Variants in AGBL4 observed in about 807,000 individuals in gnomAD.
AGBL4 encodes the protein cytosolic carboxypeptidase 6.
AGBL4 carries 58 observed loss-of-function variants against 66.4 expected under a neutral mutation model. That is an observed-to-expected ratio of 0.87 (90% CI 0.71 to 1.09). The LOEUF is 1.09. Among genes scored for constraint, AGBL4 ranks in the 50% least tolerant of loss-of-function variants. AGBL4 has a pLI of 0.00. For missense variants in AGBL4, 579 were observed against 631.0 expected, an observed-to-expected ratio of 0.92 and a Z score of 0.88; for synonymous variants, 234 against 222.9, an observed-to-expected ratio of 1.05 and a Z score of -0.44.
At chr1:49,529,883 G>T (rs1275018697) in intron 3 of AGBL4, among the ~76,000 whole-genome samples, 1 of 151,794 alleles carries the variant, frequency 6.6e-6, no homozygotes, top group Non-Finnish European at 1.5e-5. Context: ...CATAAAAAGA[G>T]AGTGCATAAC....
intron 2 of AGBL4, among the ~76,000 whole-genome samples, chr1:49,809,907 C>A (rs903028709): frequency 6.6e-6 from 1 of 152,130 alleles, no homozygotes; most frequent in African/African-American, 2.4e-5. Flanking sequence ...TGTAATTTTT[C>A]AAACACCTGT....
At chr1:48,693,045 A>C (rs1646658387) in intron 6 of AGBL4, among the ~76,000 whole-genome samples, 1 of 152,214 alleles carries the variant, frequency 6.6e-6, no homozygotes, top group African/African-American at 2.4e-5. Flanking sequence ...ATTCAATCCT[A>C]GGTCACCTGG....
chr1:49,999,349 A>G (rs867277180), intron 1 of AGBL4, among the ~76,000 whole-genome samples: 203 of 151,940 alleles, frequency 1.3e-3, no homozygotes, highest in African/African-American at 4.6e-3. Context: ...AAAAAAAAAA[A>G]ATACTCAGAA....
intron 2 of AGBL4, among the ~76,000 whole-genome samples, chr1:49,732,096 G>T (rs924465809): frequency 6.6e-6 from 1 of 152,172 alleles, no homozygotes; most frequent in African/African-American, 2.4e-5. Context: ...ACTTCCAGGG[G>T]TATTGTCAGC....
intron 4 of AGBL4, among the ~76,000 whole-genome samples, chr1:49,225,463 A>G (rs1220408562): frequency 1.3e-5 from 2 of 152,198 alleles, no homozygotes; most frequent in African/African-American, 2.4e-5. Context: ...GGAACTATGC[A>G]GAGAAGCCAT....
intron 4 of AGBL4, among the ~76,000 whole-genome samples, chr1:49,187,964 G>C (rs1647044554): frequency 6.6e-6 from 1 of 152,110 alleles, no homozygotes; most frequent in African/African-American, 2.4e-5. Context: ...TCATGATAGT[G>C]AATGAGTCTC....
At chr1:49,116,185 G>T (rs1171039116) in intron 4 of AGBL4, among the ~76,000 whole-genome samples, 1 of 152,012 alleles carries the variant, frequency 6.6e-6, no homozygotes, top group African/African-American at 2.4e-5. Flanking sequence ...AGAAAGCATT[G>T]TGCCAGAGTT....
intron 3 of AGBL4, among the ~76,000 whole-genome samples, chr1:49,581,403 T>C (rs748332048): frequency 1.3e-5 from 2 of 152,184 alleles, no homozygotes; most frequent in Non-Finnish European, 2.9e-5. Context: ...GAGGGCATCA[T>C]ATCACCTCAT....
chr1:48,612,572 C>G lies in AGBL4; in HGVS notation c.952-21587G>C, dbSNP rs564684874. Among the ~76,000 whole-genome samples the G allele has an allele frequency of 2.6e-5, 4 of 152,288 alleles. No homozygotes were observed. The South Asian group carries it at 8.3e-4, about 32-fold the overall frequency. Reference sequence around the variant, plus strand: ...TCTCAGTACAAAGATCAAAGTTAAACAAATCTCTTGAAATCCTACAGCCCA... The same window carrying G: ...TCTCAGTACAAAGATCAAAGTTAAAGAAATCTCTTGAAATCCTACAGCCCA... On this transcript the variant is annotated intron_variant, in intron 9 of 13. Transcript: ENST00000371839.
At chr1:48,767,506 A>G (rs551410632) in intron 6 of AGBL4, among the ~76,000 whole-genome samples, 1 of 152,340 alleles carries the variant, frequency 6.6e-6, no homozygotes, top group Admixed American at 6.5e-5. Flanking sequence ...GAGGAGACAG[A>G]ACACAGGGTG....
At chr1:48,669,486 T>C (rs1218365231) in intron 6 of AGBL4, among the ~76,000 whole-genome samples, 1 of 152,076 alleles carries the variant, frequency 6.6e-6, no homozygotes, top group Non-Finnish European at 1.5e-5. Context: ...ATGAAAAACA[T>C]CTTCAGACGT....
chr1:49,284,075 A>C (rs2148410899), intron 3 of AGBL4, among the ~76,000 whole-genome samples: 1 of 151,738 alleles, frequency 6.6e-6, no homozygotes, highest in Middle Eastern at 3.4e-3. Context: ...TGTCAGATTC[A>C]CCAAAGTTGA....
chr1:49,021,127 C>A (rs568745488), intron 5 of AGBL4, among the ~76,000 whole-genome samples: 1 of 152,158 alleles, frequency 6.6e-6, no homozygotes, highest in Non-Finnish European at 1.5e-5. Context: ...TGAAAGGATT[C>A]GGGCAGCATA....
intron 5 of AGBL4, among the ~76,000 whole-genome samples, chr1:49,004,411 C>A (rs907304524): frequency 3.9e-5 from 6 of 152,196 alleles, no homozygotes; most frequent in African/African-American, 1.4e-4. Flanking sequence ...CCTGAATGGG[C>A]TGAATAAAAT....
At chr1:49,354,164 C>G (rs1014708999) in intron 3 of AGBL4, among the ~76,000 whole-genome samples, 1 of 152,276 alleles carries the variant, frequency 6.6e-6, no homozygotes, top group South Asian at 2.1e-4. Flanking sequence ...GTGCTCACTC[C>G]GGCTTTTGTA....
chr1:49,378,557 T>C (rs1192866937), intron 3 of AGBL4, among the ~76,000 whole-genome samples: 1 of 151,856 alleles, frequency 6.6e-6, no homozygotes, highest in Non-Finnish European at 1.5e-5. Context: ...TTTGGGTCAT[T>C]TGGCAAGAAA....
At chr1:48,854,511 T>C (rs543639296) in intron 6 of AGBL4, among the ~76,000 whole-genome samples, 1 of 152,334 alleles carries the variant, frequency 6.6e-6, no homozygotes, top group African/African-American at 2.4e-5. Context: ...AACAGATCCA[T>C]GTTTGTTCTG....
At chr1:49,661,288 T>G (rs1380572447) in intron 3 of AGBL4, among the ~76,000 whole-genome samples, 1 of 152,034 alleles carries the variant, frequency 6.6e-6, no homozygotes, top group African/African-American at 2.4e-5. Flanking sequence ...AATAGTCCTG[T>G]GGTTTGGATG....
intron 1 of AGBL4, among the ~76,000 whole-genome samples, chr1:49,927,692 A>G (rs894817629): frequency 2.0e-5 from 3 of 151,848 alleles, no homozygotes; most frequent in Admixed American, 6.6e-5. Context: ...AAAAAAAAAG[A>G]ATGGGAAAGA....
Sources: allele counts gnomAD v4.1 joint callset (sites outside exome capture counted in the v4.1 genomes callset), GRCh38; gene constraint gnomAD v4.1.1; transcripts MANE v1.5; gene names NCBI Gene and HGNC (gene_info 2026-07-23, HGNC 2026-07-21).